PRPF18: variants seen among roughly 807,000 people sequenced by gnomAD.
PRPF18 encodes the protein pre-mRNA-splicing factor 18.
In PRPF18, 38 loss-of-function variants were observed where a neutral mutation model predicts 46.5. That is an observed-to-expected ratio of 0.82 (90% CI 0.63 to 1.07). The LOEUF (loss-of-function observed/expected upper bound fraction) is 1.07, where lower values mean the gene tolerates loss of function less well. PRPF18 is among the 50% of genes least tolerant of loss of function. The pLI is 0.00. For synonymous variants in PRPF18, 152 were observed against 146.7 expected, an observed-to-expected ratio of 1.04 and a Z score of -0.26; for missense variants, 263 against 410.0, an observed-to-expected ratio of 0.64 and a Z score of 3.10.
chr10:13,645,150 T>C, the PRPF18 span: 3 of 152,272 alleles, frequency 2.0e-5, no homozygotes, highest in African/African-American at 7.2e-5. Context: ...TTTGTTTCAT[T>C]TTAGTGTCCA....
At chr10:13,654,802 C>T in the PRPF18 span, 3 of 469,438 alleles carry the variant, frequency 6.4e-6, no homozygotes, top group Non-Finnish European at 1.1e-5. Context: ...CCCCGCTTTG[C>T]CACCAGGAGG....
the PRPF18 span, chr10:13,644,430 G>C: frequency 1.3e-5 from 2 of 152,202 alleles, no homozygotes; most frequent in South Asian, 2.1e-4. Context: ...ACTGAACTCA[G>C]CTAAACAGTA....
chr10:13,650,886 T>C, the PRPF18 span, among the ~76,000 whole-genome samples: 1 of 152,218 alleles, frequency 6.6e-6, no homozygotes, highest in Admixed American at 6.5e-5. Context: ...ACATAACATC[T>C]CCGTGAACTC....
intron 8 of PRPF18, among the ~76,000 whole-genome samples, chr10:13,614,592 ATCTC>A (rs1004882435): frequency 1.1e-4 from 17 of 152,156 alleles, no homozygotes; most frequent in African/African-American, 3.9e-4. Flanking sequence ...TCCAGGACTC[ATCTC>A]TCCCATTTCA....
chr10:13,635,211 C>T (rs1217564391), downstream of PRPF18, among the ~76,000 whole-genome samples: 1 of 152,198 alleles, frequency 6.6e-6, no homozygotes, highest in Admixed American at 6.5e-5. Flanking sequence ...CATGTCCCTG[C>T]AGAGGACATG....
chr10:13,652,167 T>C, the PRPF18 span: 11 of 604,120 alleles, frequency 1.8e-5, no homozygotes, highest in South Asian at 2.2e-4. Flanking sequence ...ATACCTAGTT[T>C]GTTAGGAGGG....
intron 4 of PRPF18, among the ~76,000 whole-genome samples, chr10:13,607,309 T>A (rs2080203590): frequency 6.6e-6 from 1 of 152,240 alleles, no homozygotes; most frequent in Non-Finnish European, 1.5e-5. Flanking sequence ...ATATTCTGGA[T>A]AGAAGTTCTT....
At chr10:13,627,801 A>G (rs914124609) in intron 9 of PRPF18, among the ~76,000 whole-genome samples, 1 of 152,216 alleles carries the variant, frequency 6.6e-6, no homozygotes, top group Non-Finnish European at 1.5e-5. Context: ...GCACACACCT[A>G]AGATTCCAAT....
At chr10:13,614,342 C>T (rs542323277) in intron 8 of PRPF18, among the ~76,000 whole-genome samples, 1 of 152,276 alleles carries the variant, frequency 6.6e-6, no homozygotes, top group African/African-American at 2.4e-5. Context: ...CCTAAAGGTT[C>T]TTCAGAGCAT....
downstream of PRPF18, among the ~76,000 whole-genome samples, chr10:13,634,182 A>G (rs2080614807): frequency 6.6e-6 from 1 of 152,202 alleles, no homozygotes; most frequent in Non-Finnish European, 1.5e-5. Context: ...TCATGAAAGC[A>G]TTGATTATTT....
downstream of PRPF18, among the ~76,000 whole-genome samples, chr10:13,635,381 A>G (rs994127744): frequency 4.6e-5 from 7 of 152,126 alleles, no homozygotes. Flanking sequence ...TTTATAATAG[A>G]ATGATTTATA....
At chr10:13,643,997 G>T in the PRPF18 span, 1 of 152,560 alleles carries the variant, frequency 6.6e-6, no homozygotes, top group African/African-American at 2.4e-5. Flanking sequence ...TGACATTAAT[G>T]TATATGTAAA....
At chr10:13,645,560 T>C in the PRPF18 span, 1 of 152,632 alleles carries the variant, frequency 6.6e-6, no homozygotes, top group Non-Finnish European at 1.5e-5. Flanking sequence ...TCCCACACAT[T>C]AATTTTTTTC....
intron 9 of PRPF18, among the ~76,000 whole-genome samples, chr10:13,619,089 G>A (rs893750083): frequency 1.3e-5 from 2 of 152,188 alleles, no homozygotes; most frequent in African/African-American, 2.4e-5. Flanking sequence ...TAGGGTTTGC[G>A]CTCCTGTGAG....
At chr10:13,641,344 G>C in the PRPF18 span, 1 of 152,242 alleles carries the variant, frequency 6.6e-6, no homozygotes, top group Non-Finnish European at 1.5e-5. Flanking sequence ...AGGTTTGGAG[G>C]GGACAGTCAA....
intron 4 of PRPF18, among the ~76,000 whole-genome samples, chr10:13,609,396 A>G (rs2080240068): frequency 6.6e-6 from 1 of 152,074 alleles, no homozygotes; most frequent in African/African-American, 2.4e-5. Flanking sequence ...AAGGATTTGA[A>G]CCCAGATAGC....
At chr10:13,633,788 T>C (rs2080611144), downstream of PRPF18, among the ~76,000 whole-genome samples, 1 of 152,214 alleles carries the variant, frequency 6.6e-6, no homozygotes, top group African/African-American at 2.4e-5. Context: ...CATAGCAATC[T>C]ATGGTATGGT....
chr10:13,623,226 C>A (rs1288092984), intron 9 of PRPF18, among the ~76,000 whole-genome samples: 1 of 152,000 alleles, frequency 6.6e-6, no homozygotes, highest in Non-Finnish European at 1.5e-5. Flanking sequence ...AAAAAGTTCC[C>A]ATAGACAGTG....
intron 9 of PRPF18, among the ~76,000 whole-genome samples, chr10:13,627,179 C>G (rs549802457): frequency 6.6e-6 from 1 of 152,174 alleles, no homozygotes; most frequent in African/African-American, 2.4e-5. Flanking sequence ...TTGCCCCACA[C>G]GTCCACTTAC....
Sources: allele counts gnomAD v4.1 joint callset (sites outside exome capture counted in the v4.1 genomes callset), GRCh38; gene constraint gnomAD v4.1.1; transcripts MANE v1.5; gene names NCBI Gene and HGNC (gene_info 2026-07-23, HGNC 2026-07-21).